Variants in ZNF484 observed in about 807,000 individuals in gnomAD.
ZNF484 encodes the protein KRAB box containing C2H2 type zinc finger bA526D8.4.
Under a neutral mutation model 12.9 loss-of-function variants are expected in ZNF484, and 11 were observed. That is an observed-to-expected ratio of 0.85 (90% CI 0.54 to 1.41). The LOEUF is 1.41. Among genes scored for constraint, ZNF484 ranks in the 40% most tolerant of loss-of-function variants. The probability of loss-of-function intolerance (pLI) is 0.00; values close to 1 mark genes in which losing one functional copy is unlikely to be tolerated. For missense variants in ZNF484, 807 were observed against 1,007.7 expected (o/e 0.80, Z 2.70); for synonymous variants, 289 against 334.1 (o/e 0.86, Z 1.47).
chr9:92,867,747 C>T (rs1375456858), intron 2 of ZNF484, among the ~76,000 whole-genome samples: 1 of 152,130 alleles, frequency 6.6e-6, no homozygotes, highest in African/African-American at 2.4e-5. Context: ...TGAAACTTTC[C>T]ATGATACTGC....
Position 92,848,208 on chromosome 9 carries a change from A to G in ZNF484, c.579T>C (p.Asn193=). Residue 193 remains asparagine (N), a synonymous_variant, in exon 5 of 5, where the codon AAT becomes AAC. Coordinates refer to ENST00000375495, the MANE Select transcript of ZNF484 (RefSeq NM_031486.4). The surrounding 1 kb of genome is among the most constrained non-coding windows in gnomAD (Gnocchi z 4.1). ...KNLEPIITLY[N]RNNATENSDK... ...CAGAATTTTCTGTTGCATTGTTTCT[A>G]TTATATAAGGTTATGATAGGCTCCA... 6.2e-7 allele frequency: 1 copy of G among 1,614,110 alleles called. No homozygotes were observed. Among genetic ancestry groups the G allele is most frequent in the East Asian group, 2.2e-5 (1 of 44,876 alleles).
chr9:92,877,829 C>T, intron 1 of ZNF484, 61 bp downstream of exon 1: 1 of 1,535,838 alleles, frequency 6.5e-7, no homozygotes, highest in African/African-American at 1.4e-5. Context: ...CCGGAAGGCT[C>T]AGGACAGACA....
chr9:92,847,552 T>C lies in ZNF484; in HGVS notation c.1235A>G (p.Tyr412Cys), dbSNP rs1454492248. The change falls in exon 5 of 5, where the codon TAT (tyrosine) becomes TGT (cysteine). Residue 412 changes from tyrosine (Y) to cysteine (C), a missense_variant. Physicochemically the swap from Tyr to Cys is radical, Grantham distance 194. Coordinates refer to ENST00000375495, the MANE Select transcript of ZNF484 (RefSeq NM_031486.4). The stretch of plus-strand genomic sequence containing the variant: ...GGCCTTCCCACATTCAGTACATACA[T>C]AAGGTTTTTCTCCTGTATGGATTTT... ...HQKIHTGEKP[Y>C]VCTECGKAFI... is the part of the protein sequence containing the mutation. 6.2e-7 allele frequency: 1 copy of C among 1,614,122 alleles called. No individual in the cohort carries two copies. The highest frequency in any genetic ancestry group is 1.1e-5 in the South Asian group (1 of 91,050).
intron 2 of ZNF484, among the ~76,000 whole-genome samples, chr9:92,873,859 GA>G (rs966942545): frequency 4.3e-5 from 6 of 139,358 alleles, no homozygotes; most frequent in African/African-American, 5.3e-5. Context: ...GAGACAGAAA[GA>G]AAAAAAAAAG....
intron 2 of ZNF484, chr9:92,862,236 G>A: frequency 1.9e-5 from 12 of 621,400 alleles, no homozygotes; most frequent in South Asian, 7.2e-5. Flanking sequence ...GTAATTCTTA[G>A]GAATTACCTG....
chr9:92,847,713 G>C lies in ZNF484; in HGVS notation c.1074C>G (p.Tyr358Ter). The C allele has an allele frequency of 1.9e-6, 3 of 1,613,582 alleles. No homozygotes were observed. Among genetic ancestry groups the C allele is most frequent in the African/African-American group, 2.7e-5 (2 of 75,018 alleles). ...RIHSGEKPYEYSECEKNLPQN... is the reference protein window; with the variant it reads ...RIHSGEKPYE ...GAGGGAGGTTTTTCTCACATTCACT[G>C]TACTCATAAGGTTTTTCTCCAGAAT... Residue 358 changes from tyrosine to a stop codon, truncating the protein, a stop_gained, in exon 5 of 5, where the codon TAC becomes TAG. Coordinates refer to ENST00000375495, the MANE Select transcript of ZNF484 (RefSeq NM_031486.4). LOFTEE classifies it low-confidence loss of function (END_TRUNC).
intron 2 of ZNF484, among the ~76,000 whole-genome samples, chr9:92,863,269 AAGGG>A (rs1856881398): frequency 8.9e-6 from 1 of 111,996 alleles, no homozygotes; most frequent in Non-Finnish European, 1.7e-5. Context: ...CCTGTTGGGG[AAGGG>A]TGGGGGGTGG....
chr9:92,874,913 T>C, intron 2 of ZNF484, 102 bp downstream of exon 2: 1 of 1,130,250 alleles, frequency 8.8e-7, no homozygotes, highest in Non-Finnish European at 1.3e-6. Context: ...TTTTTATTTA[T>C]TTAGTCTTGT....
At chr9:92,854,103 AAGAG>A (rs895914873) in intron 4 of ZNF484, among the ~76,000 whole-genome samples, 2 of 152,154 alleles carry the variant, frequency 1.3e-5, no homozygotes, top group African/African-American at 2.4e-5. Flanking sequence ...CCAGGAAAAA[AAGAG>A]AGAGAGATGA....
At chr9:92,856,752 C>T (rs1856488718) in intron 2 of ZNF484, among the ~76,000 whole-genome samples, 1 of 152,122 alleles carries the variant, frequency 6.6e-6, no homozygotes, top group Admixed American at 6.5e-5. Flanking sequence ...GACAGAGTCT[C>T]GCTCAGTCGC....
chr9:92,865,142 C>T (rs1356177526), intron 2 of ZNF484, among the ~76,000 whole-genome samples: 1 of 152,082 alleles, frequency 6.6e-6, no homozygotes, highest in Non-Finnish European at 1.5e-5. Flanking sequence ...GTAAAAAGAA[C>T]ATAAATGTAA....
intron 4 of ZNF484, among the ~76,000 whole-genome samples, chr9:92,849,661 C>T (rs1188211654): frequency 6.6e-6 from 1 of 152,074 alleles, no homozygotes; most frequent in African/African-American, 2.4e-5. Flanking sequence ...CCTAGTGGCA[C>T]ATGCCTATAG....
chr9:92,862,916 T>A (rs1218240496), intron 2 of ZNF484, among the ~76,000 whole-genome samples: 1 of 152,036 alleles, frequency 6.6e-6, no homozygotes, highest in Non-Finnish European at 1.5e-5. Flanking sequence ...CCATTACTGG[T>A]TATATACCCA....
At chr9:92,852,558 C>T (rs1201248234) in intron 4 of ZNF484, among the ~76,000 whole-genome samples, 5 of 73,968 alleles carry the variant, frequency 6.8e-5, no homozygotes, top group Admixed American at 2.0e-4. Flanking sequence ...TTTTTTGAGA[C>T]GGAGTGTCGT....
At chr9:92,850,931 T>C (rs1250875060) in intron 4 of ZNF484, among the ~76,000 whole-genome samples, 1 of 152,164 alleles carries the variant, frequency 6.6e-6, no homozygotes, top group Non-Finnish European at 1.5e-5. Context: ...TTTGGGGTAC[T>C]GATGTGATAA....
chr9:92,851,030 C>T (rs985133293), intron 4 of ZNF484, among the ~76,000 whole-genome samples: 2 of 152,210 alleles, frequency 1.3e-5, no homozygotes, highest in Non-Finnish European at 2.9e-5. Context: ...CCTTCCTTCA[C>T]AATATTAAGC....
chr9:92,846,868 T>C lies in ZNF484; in HGVS notation c.1919A>G (p.Glu640Gly). The change falls in exon 5 of 5, where the codon GAA becomes GGA. Residue 640 changes from glutamate (E) to glycine (G), a missense_variant. By Grantham distance (98) the Glu-to-Gly change is moderately conservative (BLOSUM62 -2). Transcript: ENST00000375495. ...HTGEKPYRCA[E>G]CGKAFTDRSN... ...TCTGTCAGTAAAAGCCTTTCCACATTCAGCACACCTATAGGGTTTCTCTCC... is the reference window on the plus strand; with the variant it reads ...TCTGTCAGTAAAAGCCTTTCCACATCCAGCACACCTATAGGGTTTCTCTCC... 14 of 1,614,060 alleles carry C rather than the reference T, an allele frequency of 8.7e-6. No homozygotes were observed. Among genetic ancestry groups the C allele is most frequent in the Non-Finnish European group, 1.2e-5 (14 of 1,179,998 alleles).
Position 92,848,364 on chromosome 9 carries a change from G to A in ZNF484, c.423C>T (p.Phe141=). The A allele has an allele frequency of 6.2e-7, 1 of 1,614,084 alleles. No homozygotes were observed. The highest frequency in any genetic ancestry group is 1.1e-5 in the South Asian group (1 of 91,078). ...CATTAGCTAGTGTTTTCTTGTTAAT[G>A]AAGACAACACGACTTAAAGGTTTGT... ...NQNKPLSRVV[F]INKKTLANDS... is the part of the protein sequence containing the mutation. The change falls in exon 5 of 5, where the codon TTC becomes TTT. Residue 141 remains phenylalanine (F), a synonymous_variant. Transcript: ENST00000375495. The surrounding 1 kb of genome is among the most constrained non-coding windows in gnomAD (Gnocchi z 4.1).
Position 92,856,230 on chromosome 9 carries a change from T to C in ZNF484, c.104A>G (p.Glu35Gly), listed in dbSNP as rs552049133. Residue 35 changes from glutamate to glycine, a missense_variant, in exon 3 of 5, where the codon GAA becomes GGA. By Grantham distance (98) the Glu-to-Gly change is moderately conservative. Coordinates refer to ENST00000375495, the MANE Select transcript of ZNF484 (RefSeq NM_031486.4). ...GTTGAAATAGTTTTCCAGCATCACT[T>C]CTCTGTACAGGCTTTTCTGAGCAAG... ...LDLAQKSLYREVMLENYFNLI... is the reference protein window; with the variant it reads ...LDLAQKSLYRGVMLENYFNLI... 103 of 1,614,080 alleles carry C rather than the reference T, an allele frequency of 6.4e-5. No individual in the cohort carries two copies. In the South Asian group the frequency reaches 1.1e-3, roughly 17 times the overall value.
Sources: allele counts gnomAD v4.1 joint callset (sites outside exome capture counted in the v4.1 genomes callset), GRCh38; gene constraint gnomAD v4.1.1; non-coding constraint Gnocchi (gnomAD v3.1); transcripts MANE v1.5; gene names NCBI Gene and HGNC (gene_info 2026-07-23, HGNC 2026-07-21).